Variants in DAPK2 observed in about 807,000 individuals in gnomAD.
The protein encoded by DAPK2 is death associated protein kinase 2.
A neutral mutation model predicts 44.1 loss-of-function variants in DAPK2; 35 were observed. The ratio of observed to expected loss-of-function variants is 0.79; its 90% confidence interval spans 0.61 to 1.05. The LOEUF is 1.05. Among genes scored for constraint, DAPK2 ranks in the 50% least tolerant of loss-of-function variants. DAPK2 has a pLI of 0.00. For missense variants in DAPK2, 453 were observed against 483.2 expected (o/e 0.94, Z 0.59); for synonymous variants, 174 against 182.6 (o/e 0.95, Z 0.38).
chr15:64,015,382 C>T (rs2079497002), intron 1 of DAPK2, among the ~76,000 whole-genome samples: 1 of 152,314 alleles, frequency 6.6e-6, no homozygotes, highest in East Asian at 1.9e-4. Context: ...CACTTGACCA[C>T]AACACTCAGG....
intron 3 of DAPK2, among the ~76,000 whole-genome samples, chr15:63,957,455 C>T (rs557953277): frequency 2.6e-5 from 4 of 151,916 alleles, no homozygotes; most frequent in Admixed American, 6.6e-5. Context: ...ATGCTGCACC[C>T]GTTAACTCGT....
chr15:64,022,868 T>C (rs1262121589), intron 1 of DAPK2, among the ~76,000 whole-genome samples: 1 of 152,140 alleles, frequency 6.6e-6, no homozygotes, highest in Non-Finnish European at 1.5e-5. Context: ...GAGCGCACAG[T>C]CCCTCAAAGG....
intron 3 of DAPK2, among the ~76,000 whole-genome samples, chr15:63,965,609 C>G (rs984090699): frequency 6.6e-6 from 1 of 152,180 alleles, no homozygotes; most frequent in Non-Finnish European, 1.5e-5. Flanking sequence ...AGTTGGAAAC[C>G]TTGGGAATCT....
exon 2 of DAPK2, chr15:63,983,667 C>A (rs62639966): frequency 6.2e-7 from 1 of 1,613,902 alleles, no homozygotes; most frequent in Non-Finnish European, 8.5e-7. Flanking sequence ...GCCGGCTCGC[C>A]CGGCTCTGCC....
At chr15:63,960,262 T>C (rs1471778795) in intron 3 of DAPK2, among the ~76,000 whole-genome samples, 1 of 152,256 alleles carries the variant, frequency 6.6e-6, no homozygotes, top group Non-Finnish European at 1.5e-5. Context: ...TTAGCCTTGA[T>C]AGCAGTCTAT....
chr15:63,967,928 G>T (rs1006038552), intron 3 of DAPK2, among the ~76,000 whole-genome samples: 4 of 152,220 alleles, frequency 2.6e-5, no homozygotes, highest in Admixed American at 2.0e-4. Context: ...ATGGGTAAGG[G>T]TGTGGAGACA....
chr15:64,026,428 G>C (rs770471768), intron 1 of DAPK2, among the ~76,000 whole-genome samples: 1 of 152,000 alleles, frequency 6.6e-6, no homozygotes, highest in Non-Finnish European at 1.5e-5. Flanking sequence ...ATTTTTTGTA[G>C]AGTCAGGGTT....
chr15:63,942,004 T>A (rs1478445375), intron 3 of DAPK2, among the ~76,000 whole-genome samples: 2 of 152,196 alleles, frequency 1.3e-5, no homozygotes, highest in African/African-American at 4.8e-5. Context: ...CAGTGAGACA[T>A]CTCCCTGGGG....
chr15:64,026,749 G>C (rs2079858571), intron 1 of DAPK2, among the ~76,000 whole-genome samples: 1 of 152,150 alleles, frequency 6.6e-6, no homozygotes, highest in South Asian at 2.1e-4. Context: ...GGAGTTCCAG[G>C]TCCCTTAAGG....
At chr15:63,967,509 G>C (rs1595818751) in intron 3 of DAPK2, among the ~76,000 whole-genome samples, 1 of 152,098 alleles carries the variant, frequency 6.6e-6, no homozygotes, top group Admixed American at 6.6e-5. Context: ...TGGCCAACAT[G>C]GTGAAACCCT....
intron 3 of DAPK2, among the ~76,000 whole-genome samples, chr15:63,964,099 T>G (rs539620384): frequency 1.1e-3 from 175 of 152,364 alleles, no homozygotes; most frequent in African/African-American, 3.9e-3. Context: ...TCCTTTAGAT[T>G]GAAGAATTCC....
At chr15:63,940,353 T>C (rs1486836879) in intron 3 of DAPK2, among the ~76,000 whole-genome samples, 1 of 151,800 alleles carries the variant, frequency 6.6e-6, no homozygotes, top group Non-Finnish European at 1.5e-5. Context: ...ATAGCACATC[T>C]AGTATCCACA....
chr15:63,976,276 T>A (rs1262467368), intron 2 of DAPK2, among the ~76,000 whole-genome samples: 1 of 152,250 alleles, frequency 6.6e-6, no homozygotes, highest in Non-Finnish European at 1.5e-5. Flanking sequence ...GTGGCTAGTG[T>A]AATAGAGGAA....
At chr15:64,011,414 A>G (rs935956654) in intron 1 of DAPK2, among the ~76,000 whole-genome samples, 1 of 152,148 alleles carries the variant, frequency 6.6e-6, no homozygotes, top group Non-Finnish European at 1.5e-5. Context: ...TACAAAAATT[A>G]GCCAGGCATG....
intron 1 of DAPK2, among the ~76,000 whole-genome samples, chr15:64,009,238 G>A (rs1476071065): frequency 6.6e-6 from 1 of 152,114 alleles, no homozygotes; most frequent in Non-Finnish European, 1.5e-5. Context: ...ACTTGGGCTA[G>A]TATCTCTTCA....
chr15:63,952,748 T>C (rs2077625942), intron 3 of DAPK2, among the ~76,000 whole-genome samples: 1 of 152,150 alleles, frequency 6.6e-6, no homozygotes, highest in African/African-American at 2.4e-5. Flanking sequence ...ATAATAATCA[T>C]ATCAGGATGA....
chr15:64,017,665 C>G (rs774844749), intron 1 of DAPK2, among the ~76,000 whole-genome samples: 5 of 152,240 alleles, frequency 3.3e-5, no homozygotes, highest in East Asian at 1.9e-4. Context: ...TCGGTTTTCT[C>G]TTTTGTAAAA....
At chr15:63,956,088 G>C (rs1251716493) in intron 3 of DAPK2, among the ~76,000 whole-genome samples, 5 of 152,150 alleles carry the variant, frequency 3.3e-5, no homozygotes. Context: ...AAATCATATA[G>C]TTGCTCACAG....
At chr15:64,030,928 T>C (rs569996610) in intron 1 of DAPK2, among the ~76,000 whole-genome samples, 8 of 150,484 alleles carry the variant, frequency 5.3e-5, no homozygotes, top group Middle Eastern at 3.4e-3. Flanking sequence ...GGTTGCGCCA[T>C]TGCATTCCAG....
Sources: allele counts gnomAD v4.1 joint callset (sites outside exome capture counted in the v4.1 genomes callset), GRCh38; gene constraint gnomAD v4.1.1; transcripts MANE v1.5; gene names NCBI Gene and HGNC (gene_info 2026-07-23, HGNC 2026-07-21).